CCND3: variants seen among roughly 807,000 people sequenced by gnomAD.
CCND3 encodes cyclin D3.
In CCND3, 9 loss-of-function variants were observed where a neutral mutation model predicts 28.7. The observed-to-expected ratio is 0.31, with a 90% CI of 0.19 to 0.55. The LOEUF is 0.55. Ranked by LOEUF, CCND3 falls within the 20% of genes least tolerant of loss-of-function variation. CCND3 has a pLI of 0.93. For synonymous variants in CCND3, 164 were observed against 163.9 expected (o/e 1.00, Z 0.00); for missense variants, 315 against 385.8 (o/e 0.82, Z 1.54).
intron 1 of CCND3, among the ~76,000 whole-genome samples, chr6:42,004,603 G>A (rs1763125502): frequency 6.6e-6 from 1 of 152,126 alleles, no homozygotes; most frequent in South Asian, 2.1e-4. Context: ...GTGGTGGTGG[G>A]CACCTGTAAT....
At chr6:41,990,145 A>G (rs1393508774) in intron 1 of CCND3, among the ~76,000 whole-genome samples, 2 of 152,282 alleles carry the variant, frequency 1.3e-5, no homozygotes, top group South Asian at 2.1e-4. Flanking sequence ...TAGTGTTTCT[A>G]TACATGAACA....
chr6:41,951,001 C>A (rs1022307867), intron 1 of CCND3, among the ~76,000 whole-genome samples: 3 of 152,038 alleles, frequency 2.0e-5, no homozygotes, highest in African/African-American at 7.2e-5. Context: ...AGCCACTGCG[C>A]TGGGCCGAGA....
chr6:41,985,502 A>G (rs1185708822), intron 1 of CCND3, among the ~76,000 whole-genome samples: 1 of 151,704 alleles, frequency 6.6e-6, no homozygotes, highest in Non-Finnish European at 1.5e-5. Flanking sequence ...TTTAATAGAG[A>G]CGGGGTTTCA....
intron 1 of CCND3, among the ~76,000 whole-genome samples, chr6:42,025,861 C>G (rs774636184): frequency 4.6e-5 from 7 of 152,206 alleles, no homozygotes; most frequent in Non-Finnish European, 1.0e-4. Context: ...TTTTCACACA[C>G]ACGGAACATG....
At chr6:41,954,599 G>T (rs1011254326) in intron 1 of CCND3, among the ~76,000 whole-genome samples, 1 of 151,500 alleles carries the variant, frequency 6.6e-6, no homozygotes, top group African/African-American at 2.4e-5. Context: ...GGGCTTTACT[G>T]TGTTACCCAG....
intron 1 of CCND3, among the ~76,000 whole-genome samples, chr6:42,003,453 A>G (rs1232603383): frequency 1.4e-5 from 2 of 139,762 alleles, no homozygotes; most frequent in African/African-American, 5.4e-5. Context: ...TGAACCCCAG[A>G]GGTGGAGGCT....
intron 1 of CCND3, among the ~76,000 whole-genome samples, chr6:41,993,671 A>C (rs1386379129): frequency 2.0e-5 from 3 of 152,020 alleles, no homozygotes; most frequent in Non-Finnish European, 4.4e-5. Context: ...CGGCCTCCAA[A>C]AAAAAAGCTG....
intron 1 of CCND3, among the ~76,000 whole-genome samples, chr6:41,970,976 G>A (rs57729711): frequency 0.1 from 15,647 of 151,784 alleles, 896 homozygotes; most frequent in East Asian, 0.23. Context: ...GGAGTGCAGT[G>A]GCGCGATCTT....
At chr6:42,046,986 G>A (rs1450503116) in intron 1 of CCND3, among the ~76,000 whole-genome samples, 1 of 152,198 alleles carries the variant, frequency 6.6e-6, no homozygotes, top group African/African-American at 2.4e-5. Context: ...CAGTGCCTGC[G>A]TTTCCTCGTC....
intron 1 of CCND3, among the ~76,000 whole-genome samples, chr6:41,957,553 C>T (rs1449794777): frequency 1.3e-5 from 2 of 152,166 alleles, no homozygotes; most frequent in African/African-American, 2.4e-5. Context: ...GGATCAATGT[C>T]GCTTAAGGGC....
intron 1 of CCND3, among the ~76,000 whole-genome samples, chr6:41,953,922 T>G (rs1561959100): frequency 6.6e-6 from 1 of 151,552 alleles, no homozygotes; most frequent in Non-Finnish European, 1.5e-5. Context: ...GGCACTACTT[T>G]AAGAGTTTGA....
At chr6:42,021,741 G>C (rs1019356965) in intron 1 of CCND3, among the ~76,000 whole-genome samples, 2 of 152,120 alleles carry the variant, frequency 1.3e-5, no homozygotes, top group African/African-American at 4.8e-5. Flanking sequence ...GAACACCCCA[G>C]GATCTATTAG....
At chr6:41,955,701 G>C (rs1776420598) in intron 1 of CCND3, among the ~76,000 whole-genome samples, 1 of 151,146 alleles carries the variant, frequency 6.6e-6, no homozygotes, top group African/African-American at 2.4e-5. Context: ...CACTTTGGGA[G>C]ACTAAGGAGG....
At chr6:41,993,862 G>A (rs1762723310) in intron 1 of CCND3, among the ~76,000 whole-genome samples, 1 of 149,134 alleles carries the variant, frequency 6.7e-6, no homozygotes, top group South Asian at 2.1e-4. Flanking sequence ...GGTGGAGGTT[G>A]TAGTCAACCA....
intron 1 of CCND3, among the ~76,000 whole-genome samples, chr6:41,959,637 G>A (rs776323310): frequency 1.3e-5 from 2 of 150,282 alleles, no homozygotes; most frequent in African/African-American, 2.5e-5. Flanking sequence ...GCAGTGAGCC[G>A]AGATTGCGCC....
At chr6:41,988,719 G>A (rs1762559938) in intron 1 of CCND3, among the ~76,000 whole-genome samples, 2 of 32,114 alleles carry the variant, frequency 6.2e-5, no homozygotes, top group Non-Finnish European at 1.2e-4. Flanking sequence ...TTTTTTTTGA[G>A]ACGGAGTCTG....
chr6:42,038,322 T>C (rs1288799161), intron 1 of CCND3, among the ~76,000 whole-genome samples: 1 of 152,084 alleles, frequency 6.6e-6, no homozygotes, highest in Non-Finnish European at 1.5e-5. Flanking sequence ...GCAGATCGCT[T>C]GAGCCCAGGA....
At chr6:41,974,511 T>C (rs1762119822) in intron 1 of CCND3, among the ~76,000 whole-genome samples, 1 of 152,168 alleles carries the variant, frequency 6.6e-6, no homozygotes, top group Non-Finnish European at 1.5e-5. Context: ...GAGCCCGTGA[T>C]GGTGCATTCT....
In CCND3 at chr6:41,935,982, G is replaced by C. The variant is rs777265467; in HGVS notation, c.837C>G (p.Ser279Arg). ...APRGSSSQGP[S>R]QTSTPTDVTA... ...TGACATCTGTAGGAGTGCTGGTCTG[G>C]CTGGGCCCTTGGCTGCTGGAGCCCC... is the stretch of plus-strand genomic sequence containing the variant. The change falls in exon 5 of 5, where the codon AGC becomes AGG. Residue 279 changes from serine to arginine, a missense_variant. By Grantham distance (110) the Ser-to-Arg change is moderately radical. Transcript: ENST00000372991. 6.2e-7 allele frequency: 1 copy of C among 1,613,292 alleles called. No homozygotes were observed. Among genetic ancestry groups the C allele is most frequent in the Non-Finnish European group, 8.5e-7 (1 of 1,179,718 alleles).
Sources: allele counts gnomAD v4.1 joint callset (sites outside exome capture counted in the v4.1 genomes callset), GRCh38; gene constraint gnomAD v4.1.1; transcripts MANE v1.5; gene names NCBI Gene and HGNC (gene_info 2026-07-23, HGNC 2026-07-21).